Variants in CAMK2A observed in about 807,000 individuals in gnomAD.
The protein encoded by CAMK2A is calcium/calmodulin dependent protein kinase II alpha, also known as calcium/calmodulin-dependent protein kinase type II subunit alpha.
CAMK2A carries 7 observed loss-of-function variants against 79.2 expected under a neutral mutation model. That is an observed-to-expected ratio of 0.09 (90% confidence interval 0.05 to 0.17). The LOEUF (loss-of-function observed/expected upper bound fraction) is 0.17. Among genes scored for constraint, CAMK2A ranks in the 10% least tolerant of loss-of-function variants. CAMK2A has a pLI of 1.00. For missense variants in CAMK2A, 214 were observed against 646.4 expected (o/e 0.33, Z 7.25); for synonymous variants, 242 against 251.7 (o/e 0.96, Z 0.36).
At chr5:150,280,351 C>T (rs182245538) in intron 1 of CAMK2A, among the ~76,000 whole-genome samples, 1 of 152,294 alleles carries the variant, frequency 6.6e-6, no homozygotes, top group East Asian at 1.9e-4. Context: ...AGTGTCTGCT[C>T]TTCATTGACT....
At chr5:150,259,641 G>A (rs1350648200) in intron 3 of CAMK2A, among the ~76,000 whole-genome samples, 9 of 152,238 alleles carry the variant, frequency 5.9e-5, no homozygotes, top group Non-Finnish European at 1.2e-4. Context: ...AAAGGCACAT[G>A]TAATTCTGCT....
intron 16 of CAMK2A, among the ~76,000 whole-genome samples, chr5:150,230,551 C>T (rs1366162422): frequency 6.6e-6 from 1 of 152,192 alleles, no homozygotes; most frequent in Non-Finnish European, 1.5e-5. Flanking sequence ...TAGGCCCAGG[C>T]CTTGTCAGCA....
At chr5:150,239,864 G>A (rs1000799836) in intron 13 of CAMK2A, 128 bp from the exon 14 acceptor site, 81 of 812,086 alleles carry the variant, frequency 1.0e-4, no homozygotes, top group African/African-American at 5.4e-4. Context: ...GTCCTTTGTC[G>A]GCTTGGCATC....
intron 3 of CAMK2A, 134 bp downstream of exon 3, chr5:150,264,822 T>A: frequency 1.4e-6 from 1 of 691,232 alleles, no homozygotes; most frequent in Non-Finnish European, 2.6e-6. Context: ...ACGCCCCCTT[T>A]CCCATCTCTG....
chr5:150,226,055 A>G (rs1318139793), intron 17 of CAMK2A, among the ~76,000 whole-genome samples: 1 of 152,174 alleles, frequency 6.6e-6, no homozygotes, highest in Non-Finnish European at 1.5e-5. Flanking sequence ...CGAGAATTCA[A>G]TCTTCCTTGT....
chr5:150,239,979 G>T (rs919615537), intron 13 of CAMK2A, among the ~76,000 whole-genome samples: 1 of 152,148 alleles, frequency 6.6e-6, no homozygotes, highest in Non-Finnish European at 1.5e-5. Context: ...TGGGTCTAGC[G>T]ATCTAACAGC....
At chr5:150,242,784 C>T (rs1055665336) in intron 13 of CAMK2A, among the ~76,000 whole-genome samples, 21 of 152,336 alleles carry the variant, frequency 1.4e-4, no homozygotes, top group African/African-American at 5.1e-4. Flanking sequence ...CCGCCATTCT[C>T]CCCACACTCC....
chr5:150,223,221 G>T lies in CAMK2A; in HGVS notation c.1238-4C>A, dbSNP rs768958439. 1.9e-6 allele frequency: 3 copies of T among 1,612,204 alleles called. No homozygotes were observed. Among genetic ancestry groups the T allele is most frequent in the Non-Finnish European group, 2.5e-6 (3 of 1,179,374 alleles). On this transcript the variant is annotated splice_region_variant and splice_polypyrimidine_tract_variant and intron_variant, in intron 17 of 18. Transcript: ENST00000671881. The surrounding 1 kb of genome is among the most constrained non-coding windows in gnomAD (Gnocchi z 4.1). ...GGCTTGCTGTTCCGGGACCACACTGGAGGAGGGGATGGGAGGGGCAGAGGA... is the reference window on the plus strand; with the variant it reads ...GGCTTGCTGTTCCGGGACCACACTGTAGGAGGGGATGGGAGGGGCAGAGGA...
At chr5:150,275,833 A>AG (rs1756923526) in intron 1 of CAMK2A, among the ~76,000 whole-genome samples, 1 of 151,448 alleles carries the variant, frequency 6.6e-6, no homozygotes, top group Non-Finnish European at 1.5e-5. Context: ...CCAAACCAGA[A>AG]GGTCTCCCAG....
rs950541498 is a variant in CAMK2A at position 150,284,322 on chromosome 5, G to GCTC, written c.62+5239_62+5241dup. Among the ~76,000 whole-genome samples, 4 of 152,224 alleles carry GCTC rather than the reference G, an allele frequency of 2.6e-5. No homozygotes were observed. The highest frequency in any genetic ancestry group is 2.6e-4 in the Admixed American group (4 of 15,292). ...TGTGTGTGTCCATGTGCATGTGTGTGCTCCCGTGAGCTGTGTGAAGACGCA... is the reference window on the plus strand; with the variant it reads ...TGTGTGTGTCCATGTGCATGTGTGTGCTCCTCCCGTGAGCTGTGTGAAGACGCA... On this transcript the variant is annotated intron_variant, in intron 1 of 18. Transcript: ENST00000671881. The surrounding 1 kb of genome is among the most constrained non-coding windows in gnomAD (Gnocchi z 5.3).
chr5:150,229,735 C>A (rs1477210891), intron 16 of CAMK2A, among the ~76,000 whole-genome samples: 1 of 152,240 alleles, frequency 6.6e-6, no homozygotes, highest in Admixed American at 6.5e-5. Context: ...TGGCATGATA[C>A]ATTCCAAGTC....
chr5:150,249,381 G>A (rs1755724405), intron 11 of CAMK2A, among the ~76,000 whole-genome samples: 1 of 152,166 alleles, frequency 6.6e-6, no homozygotes, highest in African/African-American at 2.4e-5. Flanking sequence ...CACAGTACTG[G>A]GCAGCTGGGG....
Position 150,237,267 on chromosome 5 carries a change from A to G in CAMK2A, c.1066+1433T>C, listed in dbSNP as rs371999170. ...ATTTTACAAAAATGTTTCCTACGTA[A>G]TACAATGCTCTTTTTCCCATCTCTG... On this transcript the variant is annotated intron_variant, in intron 15 of 18. Coordinates refer to ENST00000671881, the MANE Select transcript of CAMK2A (RefSeq NM_015981.4). Among the ~76,000 whole-genome samples the G allele has an allele frequency of 4.6e-5, 7 of 152,272 alleles. No homozygotes were observed. The East Asian group carries it at 1.3e-3, about 29-fold the overall frequency.
intron 1 of CAMK2A, among the ~76,000 whole-genome samples, chr5:150,281,722 GA>G (rs1414523831): frequency 1.3e-5 from 2 of 152,174 alleles, no homozygotes; most frequent in African/African-American, 4.8e-5. Flanking sequence ...GTGCATTTTG[GA>G]AGGGGGAGAG....
chr5:150,289,895 C>T (rs1757593647), upstream of CAMK2A: 1 of 505,828 alleles, frequency 2.0e-6, no homozygotes, highest in South Asian at 2.6e-5. Context: ...CAACACCTGC[C>T]TGCCTTCCAC....
rs146952526 is a variant in CAMK2A, at chr5:150,287,247, G to C, written c.62+2317C>G. 3.3e-3 allele frequency among the ~76,000 whole-genome samples: 499 copies of C among 152,322 alleles called. 6 individuals carry two copies. The highest frequency in any genetic ancestry group is 0.011 in the African/African-American group (477 of 41,552). ...TTCTGCAAACTTAGGCTCATACACA[G>C]TCTTCCCGATGTCCCTGCAAGCTCC... On this transcript the variant is annotated intron_variant, in intron 1 of 18. Coordinates refer to ENST00000671881, the MANE Select transcript of CAMK2A (RefSeq NM_015981.4).
At chr5:150,260,892 C>T (rs1054086307) in intron 3 of CAMK2A, among the ~76,000 whole-genome samples, 2 of 152,310 alleles carry the variant, frequency 1.3e-5, no homozygotes, top group East Asian at 3.9e-4. Context: ...GAACCCTCTC[C>T]TATTCTTTCT....
intron 13 of CAMK2A, among the ~76,000 whole-genome samples, chr5:150,241,781 C>CCCTCT (rs1278872493): frequency 8.1e-5 from 12 of 148,130 alleles, no homozygotes; most frequent in Non-Finnish European, 3.0e-5. Context: ...CTTTCCTCTT[C>CCCTCT]CCTCTCCTCT....
At chr5:150,246,577 C>T (rs898668176) in intron 12 of CAMK2A, among the ~76,000 whole-genome samples, 5 of 152,214 alleles carry the variant, frequency 3.3e-5, no homozygotes, top group African/African-American at 1.2e-4. Flanking sequence ...CAATCCAGCT[C>T]ACAGGCCGCC....
Sources: allele counts gnomAD v4.1 joint callset (sites outside exome capture counted in the v4.1 genomes callset), GRCh38; gene constraint gnomAD v4.1.1; non-coding constraint Gnocchi (gnomAD v3.1); transcripts MANE v1.5; gene names NCBI Gene and HGNC (gene_info 2026-07-23, HGNC 2026-07-21).